The following DOK6 variants were observed in gnomAD, a reference collection of about 807,000 sequenced individuals.
DOK6 encodes downstream of tyrosine kinase 6.
A neutral mutation model predicts 44.0 loss-of-function variants in DOK6; 22 were observed. The observed-to-expected ratio is 0.50, with a 90% CI of 0.36 to 0.71. The LOEUF (loss-of-function observed/expected upper bound fraction) is 0.71. DOK6 is among the 30% of genes least tolerant of loss of function. The pLI is 0.00. For missense variants in DOK6, 340 were observed against 416.4 expected (o/e 0.82, Z 1.60); for synonymous variants, 166 against 145.5 (o/e 1.14, Z -1.01).
intron 1 of DOK6, among the ~76,000 whole-genome samples, chr18:69,503,109 A>C (rs146582758): frequency 2.0e-3 from 301 of 152,252 alleles, no homozygotes; most frequent in African/African-American, 6.7e-3. Context: ...AATAGGTTGT[A>C]TGATTTTATT....
At chr18:69,726,401 C>T (rs1156735590) in intron 5 of DOK6, among the ~76,000 whole-genome samples, 1 of 152,080 alleles carries the variant, frequency 6.6e-6, no homozygotes, top group East Asian at 1.9e-4. Context: ...ACCGTTCCTC[C>T]AGTTTCCGGC....
chr18:69,511,078 C>A (rs1419610241), intron 1 of DOK6, among the ~76,000 whole-genome samples: 1 of 152,124 alleles, frequency 6.6e-6, no homozygotes, highest in Non-Finnish European at 1.5e-5. Context: ...GTGATTGGAG[C>A]AAACACATTG....
chr18:69,463,755 G>A (rs915690508), intron 1 of DOK6, among the ~76,000 whole-genome samples: 51 of 151,966 alleles, frequency 3.4e-4, no homozygotes, highest in African/African-American at 1.2e-3. Flanking sequence ...GCATGTTTGT[G>A]TGTGTCTGTG....
chr18:69,730,418 C>T (rs1391464924), intron 5 of DOK6, among the ~76,000 whole-genome samples: 2 of 152,136 alleles, frequency 1.3e-5, no homozygotes, highest in African/African-American at 4.8e-5. Context: ...TGGTCCATTC[C>T]TAAACTAGAA....
intron 7 of DOK6, among the ~76,000 whole-genome samples, chr18:69,805,956 C>G (rs1981041069): frequency 1.3e-5 from 2 of 151,736 alleles, no homozygotes; most frequent in South Asian, 4.1e-4. Context: ...GTTTTTGGAA[C>G]TAAGATTATG....
At chr18:69,514,723 T>TTC (rs916611598) in intron 1 of DOK6, among the ~76,000 whole-genome samples, 16 of 151,632 alleles carry the variant, frequency 1.1e-4, no homozygotes, top group Non-Finnish European at 1.9e-4. Flanking sequence ...TTGTTTTTTT[T>TTC]TAAGAAACTA....
In DOK6 at chr18:69,779,135, G is replaced by A. The variant is rs780827827; in HGVS notation, c.856+21262G>A. 6.6e-5 allele frequency among the ~76,000 whole-genome samples: 10 copies of A among 151,772 alleles called. No homozygotes were observed. The East Asian group carries it at 7.8e-4, about 12-fold the overall frequency. Reference sequence around the variant, plus strand: ...TGCTTCATATTCTGACCTCATCTTCGTGCTGTTGAAAGGGCTCTTTCCAGC... The same window carrying A: ...TGCTTCATATTCTGACCTCATCTTCATGCTGTTGAAAGGGCTCTTTCCAGC... On this transcript the variant is annotated intron_variant, in intron 7 of 7. Coordinates refer to ENST00000382713, the MANE Select transcript of DOK6 (RefSeq NM_152721.6).
intron 3 of DOK6, among the ~76,000 whole-genome samples, chr18:69,601,015 T>C (rs1336770862): frequency 6.6e-6 from 1 of 152,238 alleles, no homozygotes; most frequent in Admixed American, 6.5e-5. Context: ...TACATCATTA[T>C]AATCTACTCT....
chr18:69,414,672 A>G (rs1978320925), intron 1 of DOK6, among the ~76,000 whole-genome samples: 1 of 152,030 alleles, frequency 6.6e-6, no homozygotes, highest in African/African-American at 2.4e-5. Flanking sequence ...GACTGTAGTA[A>G]TGTCAGTATT....
At chr18:69,717,340 GA>G (rs931997232) in intron 5 of DOK6, among the ~76,000 whole-genome samples, 6 of 151,944 alleles carry the variant, frequency 3.9e-5, no homozygotes, top group African/African-American at 1.2e-4. Flanking sequence ...CACAAGCTTT[GA>G]AAAACTTAAA....
At chr18:69,594,906 T>G (rs73455889) in intron 2 of DOK6, among the ~76,000 whole-genome samples, 5,550 of 152,110 alleles carry the variant, frequency 0.036, 114 homozygotes, top group East Asian at 0.12. Flanking sequence ...ATAAATTCAG[T>G]AAAGTTGCAG....
In DOK6 at chr18:69,569,000, G is replaced by A. The variant is rs148163761; in HGVS notation, c.174+4406G>A. Among the ~76,000 whole-genome samples the A allele has an allele frequency of 9.9e-4, 150 of 152,078 alleles. 1 individual carries two copies. The highest frequency in any genetic ancestry group is 8.5e-3 in the East Asian group (44 of 5,174). On this transcript the variant is annotated intron_variant, in intron 2 of 7. Coordinates refer to ENST00000382713, the MANE Select transcript of DOK6 (RefSeq NM_152721.6). ...AATGTAATAATAGTAGAAATGAAGT[G>A]CACAATAAATGCAATATGCTTGAAT...
At chr18:69,609,225 A>G (rs967561289) in intron 3 of DOK6, among the ~76,000 whole-genome samples, 3 of 152,166 alleles carry the variant, frequency 2.0e-5, no homozygotes, top group Admixed American at 2.0e-4. Flanking sequence ...CAATCTACAG[A>G]ATGGGAAAAA....
chr18:69,566,795 A>G (rs893733730), intron 2 of DOK6, among the ~76,000 whole-genome samples: 4 of 152,260 alleles, frequency 2.6e-5, no homozygotes, highest in African/African-American at 9.6e-5. Context: ...GAACTCAGGT[A>G]AAACTTCTCT....
intron 3 of DOK6, among the ~76,000 whole-genome samples, chr18:69,617,479 T>C (rs1176810466): frequency 2.8e-5 from 2 of 70,612 alleles, no homozygotes; most frequent in Non-Finnish European, 5.8e-5. Flanking sequence ...AAGACAGCAA[T>C]AGGAGAAAAG....
intron 1 of DOK6, among the ~76,000 whole-genome samples, chr18:69,403,513 TAA>T (rs973970469): frequency 6.6e-6 from 1 of 152,208 alleles, no homozygotes; most frequent in African/African-American, 2.4e-5. Flanking sequence ...TAGAAAACAA[TAA>T]AAGTGTGTTC....
chr18:69,616,128 A>G lies in DOK6; in HGVS notation c.289+16630A>G, dbSNP rs73459931. The stretch of plus-strand genomic sequence containing the variant: ...ATGAACTCTAGAAATTAATGGCATA[A>G]GAATAAAATCCAGAAATCCAGTACA... On this transcript the variant is annotated intron_variant, in intron 3 of 7. Transcript: ENST00000382713. 9.4e-3 allele frequency among the ~76,000 whole-genome samples: 1,437 copies of G among 152,338 alleles called. 27 individuals carry two copies. Among genetic ancestry groups the G allele is most frequent in the African/African-American group, 0.033 (1,353 of 41,562 alleles).
chr18:69,434,329 T>G (rs1209534367), intron 1 of DOK6, among the ~76,000 whole-genome samples: 8 of 152,240 alleles, frequency 5.3e-5, no homozygotes, highest in Admixed American at 2.6e-4. Context: ...CTTTGCACTT[T>G]AAACTTCTCA....
At chr18:69,419,532 A>G (rs114115725) in intron 1 of DOK6, among the ~76,000 whole-genome samples, 1 of 152,136 alleles carries the variant, frequency 6.6e-6, no homozygotes, top group Non-Finnish European at 1.5e-5. Context: ...TTCATGATTT[A>G]CCCAGGATTC....
Sources: allele counts gnomAD v4.1 joint callset (sites outside exome capture counted in the v4.1 genomes callset), GRCh38; gene constraint gnomAD v4.1.1; transcripts MANE v1.5; gene names NCBI Gene and HGNC (gene_info 2026-07-23, HGNC 2026-07-21).